The following TCF7L1 variants were observed in gnomAD, a reference collection of about 807,000 sequenced individuals.
The protein encoded by TCF7L1 is transcription factor 7 like 1.
TCF7L1 carries 18 observed loss-of-function variants against 63.7 expected under a neutral mutation model. The observed-to-expected ratio is 0.28, with a 90% confidence interval of 0.20 to 0.42. The LOEUF (loss-of-function observed/expected upper bound fraction) is 0.42. TCF7L1 is among the 10% of genes least tolerant of loss of function. The pLI, the probability that TCF7L1 is intolerant of heterozygous loss-of-function variation, is 1.00. For synonymous variants in TCF7L1, 355 were observed against 340.9 expected, an observed-to-expected ratio of 1.04 and a Z score of -0.46; for missense variants, 654 against 779.3, an observed-to-expected ratio of 0.84 and a Z score of 1.91.
chr2:85,188,352 A>C (rs1292687405), intron 3 of TCF7L1, among the ~76,000 whole-genome samples: 1 of 152,260 alleles, frequency 6.6e-6, no homozygotes, highest in Non-Finnish European at 1.5e-5. Flanking sequence ...TTTTGATAGC[A>C]TGCTAGTTAG....
At chr2:85,266,038 C>T (rs1462857709) in intron 3 of TCF7L1, among the ~76,000 whole-genome samples, 1 of 152,034 alleles carries the variant, frequency 6.6e-6, no homozygotes, top group East Asian at 1.9e-4. Context: ...TTTTTTTAAG[C>T]ACTCCCCATT....
At chr2:85,237,424 G>C (rs1216740072) in intron 3 of TCF7L1, among the ~76,000 whole-genome samples, 2 of 152,134 alleles carry the variant, frequency 1.3e-5, no homozygotes, top group Non-Finnish European at 2.9e-5. Context: ...GTCGCTTGCT[G>C]TCTGGGGCTT....
At chr2:85,220,665 A>G (rs1046883486) in intron 3 of TCF7L1, among the ~76,000 whole-genome samples, 15 of 152,156 alleles carry the variant, frequency 9.9e-5, no homozygotes, top group Admixed American at 2.0e-4. Flanking sequence ...CACCCAGCCT[A>G]TAGTTTTATA....
chr2:85,208,998 G>A (rs72932688), intron 3 of TCF7L1, among the ~76,000 whole-genome samples: 61 of 152,222 alleles, frequency 4.0e-4, no homozygotes, highest in African/African-American at 1.2e-3. Context: ...ATAGAATAAC[G>A]GGGTCAAATA....
chr2:85,283,034 T>C (rs1274278927), intron 3 of TCF7L1, among the ~76,000 whole-genome samples: 1 of 152,108 alleles, frequency 6.6e-6, no homozygotes, highest in East Asian at 1.9e-4. Flanking sequence ...TACTTCTGGA[T>C]GGCTGTTTCG....
chr2:85,172,554 G>A (rs1678571662), intron 3 of TCF7L1, among the ~76,000 whole-genome samples: 1 of 152,314 alleles, frequency 6.6e-6, no homozygotes, highest in South Asian at 2.1e-4. Flanking sequence ...AGCCTCCTGA[G>A]TAGCTGGGAT....
At chr2:85,139,200 G>T (rs1574074848) in intron 3 of TCF7L1, among the ~76,000 whole-genome samples, 1 of 152,010 alleles carries the variant, frequency 6.6e-6, no homozygotes, top group Non-Finnish European at 1.5e-5. Flanking sequence ...GTAGAGACAG[G>T]GTTTCACCAT....
At chr2:85,156,436 TC>T (rs1048583870) in intron 3 of TCF7L1, among the ~76,000 whole-genome samples, 4 of 152,120 alleles carry the variant, frequency 2.6e-5, no homozygotes, top group African/African-American at 9.7e-5. Flanking sequence ...GCACACAGAA[TC>T]CCCCTGTGTT....
intron 3 of TCF7L1, among the ~76,000 whole-genome samples, chr2:85,247,191 A>G (rs1055658555): frequency 2.0e-5 from 3 of 152,218 alleles, no homozygotes; most frequent in Admixed American, 2.0e-4. Flanking sequence ...GCTTACCAGG[A>G]TACAATATCC....
chr2:85,262,920 TG>T (rs1680889683), intron 3 of TCF7L1, among the ~76,000 whole-genome samples: 1 of 152,070 alleles, frequency 6.6e-6, no homozygotes, highest in African/African-American at 2.4e-5. Flanking sequence ...ACCCCAAACT[TG>T]GGCCAGGCCA....
chr2:85,285,712 C>T (rs1681530337), intron 4 of TCF7L1, among the ~76,000 whole-genome samples: 1 of 152,198 alleles, frequency 6.6e-6, no homozygotes, highest in Non-Finnish European at 1.5e-5. Context: ...CTAGACCTGG[C>T]TCGTGCCCTG....
intron 3 of TCF7L1, among the ~76,000 whole-genome samples, chr2:85,143,930 C>T (rs766425137): frequency 3.3e-4 from 51 of 152,310 alleles, no homozygotes; most frequent in Non-Finnish European, 4.4e-4. Context: ...AATGACCTTT[C>T]GTGGGCTGTC....
At chr2:85,255,026 G>T (rs1265167222) in intron 3 of TCF7L1, among the ~76,000 whole-genome samples, 1 of 152,176 alleles carries the variant, frequency 6.6e-6, no homozygotes, top group African/African-American at 2.4e-5. Flanking sequence ...GGAAACTGTA[G>T]CCAGACAACT....
intron 3 of TCF7L1, among the ~76,000 whole-genome samples, chr2:85,220,361 A>AAT (rs979946762): frequency 2.6e-5 from 4 of 151,170 alleles, no homozygotes; most frequent in East Asian, 1.9e-4. Context: ...CTTAAAAAAA[A>AAT]ATATATATAT....
intron 3 of TCF7L1, among the ~76,000 whole-genome samples, chr2:85,260,547 G>A (rs1487271377): frequency 6.6e-6 from 1 of 151,786 alleles, no homozygotes; most frequent in Non-Finnish European, 1.5e-5. Flanking sequence ...GGGGACTGAG[G>A]TAGGAGGATT....
intron 3 of TCF7L1, among the ~76,000 whole-genome samples, chr2:85,244,469 A>C (rs1680413747): frequency 6.6e-6 from 1 of 152,126 alleles, no homozygotes; most frequent in South Asian, 2.1e-4. Flanking sequence ...ATTTTGAAGG[A>C]GGAGTGACAG....
chr2:85,225,138 T>C (rs1372892535), intron 3 of TCF7L1, among the ~76,000 whole-genome samples: 1 of 152,260 alleles, frequency 6.6e-6, no homozygotes, highest in Non-Finnish European at 1.5e-5. Context: ...CATTGGTCTA[T>C]ATCTCTGTTT....
At position 85,241,438 on chromosome 2, in the gene TCF7L1, T is replaced by G. The variant is rs1485473916; in HGVS notation, c.442-42057T>G. Reference sequence around the variant, plus strand: ...GAGGACTGGATGCACTTTGTTTTTGTTTTTTTTTTTTTTTTTTTTTTTTTT... The same window carrying G: ...GAGGACTGGATGCACTTTGTTTTTGGTTTTTTTTTTTTTTTTTTTTTTTTT... On this transcript the variant is annotated intron_variant, in intron 3 of 11. Transcript: ENST00000282111. Among the ~76,000 whole-genome samples, 10 of 75,542 alleles carry G rather than the reference T, an allele frequency of 1.3e-4. No individual in the cohort carries two copies. The East Asian group carries it at 1.5e-3, about 12-fold the overall frequency. The allele number at this position is 75,542 out of a possible 152,430, so 49.6% of individuals were successfully genotyped here. A position where few individuals can be genotyped will look rare whatever the true frequency, so the allele number is the denominator to read the frequency against.
At chr2:85,254,167 C>T (rs1680652554) in intron 3 of TCF7L1, among the ~76,000 whole-genome samples, 1 of 152,282 alleles carries the variant, frequency 6.6e-6, no homozygotes, top group Non-Finnish European at 1.5e-5. Flanking sequence ...CATTTGTAGA[C>T]TTGCTGCCAC....
Sources: gnomAD v4.1 joint callset for allele counts (sites outside exome capture counted in the v4.1 genomes callset) on GRCh38, gnomAD v4.1.1 for gene constraint, MANE v1.5 for transcripts, NCBI Gene and HGNC (gene_info 2026-07-23, HGNC 2026-07-21) for gene names.